The following GFI1B variants were observed in gnomAD, a reference collection of about 807,000 sequenced individuals.
GFI1B encodes growth factor independent 1B transcriptional repressor.
Under a neutral mutation model 35.3 loss-of-function variants are expected in GFI1B, and 20 were observed. That is an observed-to-expected ratio of 0.57 (90% CI 0.40 to 0.82). The LOEUF is 0.82. Ranked by LOEUF, GFI1B falls within the 40% of genes least tolerant of loss-of-function variation. GFI1B has a pLI of 0.00. For missense variants in GFI1B, 430 were observed against 446.3 expected (o/e 0.96, Z 0.33); for synonymous variants, 178 against 177.6 (o/e 1.00, Z -0.02).
At chr9:132,986,987 G>A (rs959878773) in intron 2 of GFI1B, among the ~76,000 whole-genome samples, 1 of 152,236 alleles carries the variant, frequency 6.6e-6, no homozygotes, top group African/African-American at 2.4e-5. Context: ...AGAGTGTCAG[G>A]TTGGAGCCAG....
chr9:132,949,342 T>TACACACACACAC (rs367698473), intron 1 of GFI1B, among the ~76,000 whole-genome samples: 2 of 110,466 alleles, frequency 1.8e-5, no homozygotes, highest in African/African-American at 7.0e-5. Context: ...CACACACACA[T>TACACACACACAC]ACACACACAC....
intron 1 of GFI1B, among the ~76,000 whole-genome samples, chr9:132,985,617 C>A (rs1849019661): frequency 2.0e-5 from 3 of 152,112 alleles, no homozygotes; most frequent in Admixed American, 1.3e-4. Flanking sequence ...TTGCGGCTTG[C>A]AGGAGCACGT....
chr9:132,984,822 A>G (rs1389510793), intron 1 of GFI1B, among the ~76,000 whole-genome samples: 2 of 152,076 alleles, frequency 1.3e-5, no homozygotes, highest in East Asian at 3.9e-4. Flanking sequence ...GCTCTGGGCC[A>G]GGGGGAAGCA....
intron 1 of GFI1B, among the ~76,000 whole-genome samples, chr9:132,949,222 A>G (rs956488322): frequency 2.6e-5 from 4 of 151,244 alleles, no homozygotes; most frequent in South Asian, 2.1e-4. Context: ...TAGAGAATCT[A>G]TCTTCAGCCC....
intron 1 of GFI1B, among the ~76,000 whole-genome samples, chr9:132,981,625 G>A (rs1453269195): frequency 6.6e-6 from 1 of 152,024 alleles, no homozygotes; most frequent in Non-Finnish European, 1.5e-5. Context: ...GTGACAGAGT[G>A]AGACTCTGTC....
chr9:132,957,878 A>G (rs1024003923), intron 1 of GFI1B, among the ~76,000 whole-genome samples: 1 of 152,230 alleles, frequency 6.6e-6, no homozygotes, highest in Non-Finnish European at 1.5e-5. Context: ...CCAACAGGCA[A>G]CATGCATTGA....
intron 1 of GFI1B, among the ~76,000 whole-genome samples, chr9:132,984,928 A>T (rs1250268014): frequency 6.6e-6 from 1 of 151,960 alleles, no homozygotes; most frequent in Non-Finnish European, 1.5e-5. Flanking sequence ...TGCATTCTCT[A>T]ATCTCCCACC....
chr9:132,969,595 C>T (rs1359008199), intron 1 of GFI1B, among the ~76,000 whole-genome samples: 4 of 152,174 alleles, frequency 2.6e-5, no homozygotes, highest in Admixed American at 6.5e-5. Context: ...ACTGTGAACA[C>T]GGGTGTGCAA....
At chr9:132,971,988 A>AAT (rs1399299369) in intron 1 of GFI1B, among the ~76,000 whole-genome samples, 1 of 145,744 alleles carries the variant, frequency 6.9e-6, no homozygotes, top group Non-Finnish European at 1.5e-5. Flanking sequence ...AAAAAAAAAA[A>AAT]ATTGGGTTGG....
intron 1 of GFI1B, among the ~76,000 whole-genome samples, chr9:132,961,901 A>C (rs1848370961): frequency 6.6e-6 from 1 of 151,934 alleles, no homozygotes; most frequent in African/African-American, 2.4e-5. Context: ...AAAATTCCCC[A>C]AATTTGACAA....
In GFI1B at chr9:132,960,092, G is replaced by A. The variant is rs988918663; in HGVS notation, c.-700-12633G>A. Reference sequence around the variant, plus strand: ...CTGATCCTACTCTGCTCAAGGCCAGGTCCAGCCCAGAACCACCCTACAAAG... The same window carrying A: ...CTGATCCTACTCTGCTCAAGGCCAGATCCAGCCCAGAACCACCCTACAAAG... On this transcript the variant is annotated intron_variant, in intron 1 of 10. Coordinates refer to the GFI1B transcript ENST00000339463. Among the ~76,000 whole-genome samples, 6 of 152,302 alleles carry A rather than the reference G, an allele frequency of 3.9e-5. No individual in the cohort carries two copies. The South Asian group carries it at 8.3e-4, about 21-fold the overall frequency.
intron 1 of GFI1B, among the ~76,000 whole-genome samples, chr9:132,955,796 GTGTGTGTGTGCA>G (rs1279915962): frequency 1.4e-5 from 2 of 142,306 alleles, no homozygotes; most frequent in African/African-American, 5.2e-5. Context: ...CGTGATGTGT[GTGTGTGTGTGCA>G]TGTGTGTGTG....
intron 2 of GFI1B, among the ~76,000 whole-genome samples, chr9:132,973,468 G>A (rs1230288404): frequency 6.6e-6 from 1 of 152,178 alleles, no homozygotes; most frequent in East Asian, 1.9e-4. Context: ...ACCCCATGAC[G>A]TTCCTGCCCT....
chr9:132,988,326 C>T lies in GFI1B; in HGVS notation c.368C>T (p.Pro123Leu). The T allele has an allele frequency of 6.2e-7, 1 of 1,614,214 alleles. No individual in the cohort carries two copies. Among genetic ancestry groups the T allele is most frequent in the Non-Finnish European group, 8.5e-7 (1 of 1,180,028 alleles). ...TTYGHSYRQA[P>L]STMQSAFLEH... Reference sequence around the variant, plus strand: ...TATGGCCACAGCTACCGGCAGGCCCCCTCCACCATGCAGTCAGCCTTCCTG... The same window carrying T: ...TATGGCCACAGCTACCGGCAGGCCCTCTCCACCATGCAGTCAGCCTTCCTG... Residue 123 changes from proline (P) to leucine (L), a missense_variant, in exon 4 of 7, where the codon CCC (proline) becomes CTC (leucine). Transcript: ENST00000372122.
chr9:132,962,144 T>C (rs1179039773), intron 1 of GFI1B, among the ~76,000 whole-genome samples: 1 of 148,704 alleles, frequency 6.7e-6, no homozygotes, highest in African/African-American at 2.5e-5. Context: ...TTTCTTTTTT[T>C]TTTTTTCTTT....
intron 1 of GFI1B, among the ~76,000 whole-genome samples, chr9:132,962,916 CA>C (rs60268965): frequency 0.014 from 1,732 of 124,242 alleles, 41 homozygotes; most frequent in African/African-American, 0.049. Context: ...ACTAAAAATA[CA>C]AAAAAAAAAA....
Position 132,990,839 on chromosome 9 carries a change from C to T in GFI1B, c.815-33C>T, listed in dbSNP as rs1051027818. ...AGGCCTGGTGAGGAGGCCCTGACCCCGCCCTTGCTGTGCTGCGCTGCCCTC... is the reference window on the plus strand; with the variant it reads ...AGGCCTGGTGAGGAGGCCCTGACCCTGCCCTTGCTGTGCTGCGCTGCCCTC... On this transcript the variant is annotated intron_variant, in intron 6 of 6. Coordinates refer to ENST00000372122, the MANE Select transcript of GFI1B (RefSeq NM_001377304.1). 2.9e-5 allele frequency: 47 copies of T among 1,610,600 alleles called. 1 individual carries two copies. Among genetic ancestry groups the T allele is most frequent in the African/African-American group, 6.7e-5 (5 of 74,742 alleles).
At chr9:132,975,572 T>A (rs946776522), upstream of GFI1B, among the ~76,000 whole-genome samples, 1 of 152,162 alleles carries the variant, frequency 6.6e-6, no homozygotes, top group Non-Finnish European at 1.5e-5. Context: ...AATTGTAAAT[T>A]TCAGGTTGCT....
intron 1 of GFI1B, among the ~76,000 whole-genome samples, chr9:132,969,953 A>G (rs1848508137): frequency 6.6e-6 from 1 of 152,122 alleles, no homozygotes; most frequent in Non-Finnish European, 1.5e-5. Context: ...GTACATGCAA[A>G]ATAGATGTAA....
Sources: gnomAD v4.1 joint callset for allele counts (sites outside exome capture counted in the v4.1 genomes callset) on GRCh38, gnomAD v4.1.1 for gene constraint, MANE v1.5 for transcripts, NCBI Gene and HGNC (gene_info 2026-07-23, HGNC 2026-07-21) for gene names.